The following CEP128 variants were observed in gnomAD, a reference collection of about 807,000 sequenced individuals.
The protein encoded by CEP128 is centrosomal protein 128.
CEP128 carries 132 observed loss-of-function variants against 156.7 expected under a neutral mutation model. That is an observed-to-expected ratio of 0.84 (90% CI 0.73 to 0.97). The LOEUF (loss-of-function observed/expected upper bound fraction) is 0.97. Among genes scored for constraint, CEP128 ranks in the 50% least tolerant of loss-of-function variants. CEP128 has a pLI of 0.00. For missense variants in CEP128, 1,252 were observed against 1,281.9 expected, an observed-to-expected ratio of 0.98 and a Z score of 0.36; for synonymous variants, 469 against 448.9, an observed-to-expected ratio of 1.04 and a Z score of -0.57.
rs1165217230 is a variant in CEP128, at chr14:80,844,343, TTAAAAAA to T, written c.763-3582_763-3576del. On this transcript the variant is annotated intron_variant, in intron 9 of 24. Coordinates refer to ENST00000555265, the MANE Select transcript of CEP128 (RefSeq NM_152446.5). ...GAAATTCTATACCAACAACTACAAC[TTAAAAAA>T]TAAAAAATAAAACAAACCGCACACA... Among the ~76,000 whole-genome samples the T allele has an allele frequency of 3.9e-5, 6 of 152,002 alleles. No homozygotes were observed. The South Asian group carries it at 8.3e-4, about 21-fold the overall frequency.
intron 9 of CEP128, among the ~76,000 whole-genome samples, chr14:80,855,161 T>C (rs1047253691): frequency 2.6e-5 from 4 of 152,160 alleles, no homozygotes; most frequent in Admixed American, 6.6e-5. Context: ...AAGTAGTACA[T>C]GTGTGGTTGT....
At chr14:80,844,574 A>C (rs1886506084) in intron 9 of CEP128, among the ~76,000 whole-genome samples, 1 of 152,152 alleles carries the variant, frequency 6.6e-6, no homozygotes, top group Non-Finnish European at 1.5e-5. Flanking sequence ...AAAATACAAC[A>C]ATTCCTCTTT....
downstream of CEP128, among the ~76,000 whole-genome samples, chr14:80,486,397 T>C (rs1378418893): frequency 6.6e-6 from 1 of 152,028 alleles, no homozygotes; most frequent in Non-Finnish European, 1.5e-5. Context: ...GTCTGATTGG[T>C]GTACCTGAAA....
chr14:80,529,218 A>T (rs1452106831), intron 22 of CEP128, among the ~76,000 whole-genome samples: 7 of 152,192 alleles, frequency 4.6e-5, no homozygotes, highest in Admixed American at 3.9e-4. Flanking sequence ...AGTATCATGC[A>T]CTGTGTGCAT....
chr14:80,718,664 G>GA (rs1294300220), intron 19 of CEP128, among the ~76,000 whole-genome samples: 1 of 152,094 alleles, frequency 6.6e-6, no homozygotes, highest in Non-Finnish European at 1.5e-5. Flanking sequence ...TTTATCACAG[G>GA]AAAACAAAAG....
chr14:80,588,208 C>T (rs1891901124), intron 19 of CEP128, among the ~76,000 whole-genome samples: 1 of 152,014 alleles, frequency 6.6e-6, no homozygotes, highest in African/African-American at 2.4e-5. Context: ...AAGAGTAAAA[C>T]AGACCTCAGA....
chr14:80,798,094 G>T (rs1883599031), intron 13 of CEP128, among the ~76,000 whole-genome samples: 1 of 152,094 alleles, frequency 6.6e-6, no homozygotes. Context: ...CTCAAAAACA[G>T]AATTATCCAT....
chr14:80,639,432 G>C (rs1431627945), intron 19 of CEP128, among the ~76,000 whole-genome samples: 1 of 152,142 alleles, frequency 6.6e-6, no homozygotes, highest in African/African-American at 2.4e-5. Context: ...TGTGGAAGAA[G>C]AGTAAAATAA....
intron 13 of CEP128, among the ~76,000 whole-genome samples, chr14:80,793,919 TAATCATTAACATTAAGCCATTAAAG>T (rs1170376124): frequency 1.3e-5 from 2 of 152,188 alleles, no homozygotes; most frequent in Non-Finnish European, 1.5e-5. Context: ...ACAAATAAAA[TAATCATTAACATTAAGCCATTAAAG>T]AATCATTAAC....
chr14:80,714,667 T>A (rs1292331317), intron 19 of CEP128, among the ~76,000 whole-genome samples: 1 of 151,546 alleles, frequency 6.6e-6, no homozygotes, highest in East Asian at 1.9e-4. Context: ...GGCAGCTATA[T>A]CATTTCAAAG....
chr14:80,728,164 T>C (rs1268442470), intron 19 of CEP128, among the ~76,000 whole-genome samples: 1 of 152,212 alleles, frequency 6.6e-6, no homozygotes, highest in Non-Finnish European at 1.5e-5. Flanking sequence ...TGGAATACTA[T>C]GCAGCCATAA....
At chr14:80,508,444 G>A (rs1360766895) in intron 23 of CEP128, among the ~76,000 whole-genome samples, 2 of 151,790 alleles carry the variant, frequency 1.3e-5, no homozygotes, top group African/African-American at 4.8e-5. Context: ...TGATGATTTC[G>A]TTTCCTATTT....
At chr14:80,746,924 G>A (rs998219852) in intron 18 of CEP128, among the ~76,000 whole-genome samples, 1 of 152,180 alleles carries the variant, frequency 6.6e-6, no homozygotes, top group African/African-American at 2.4e-5. Context: ...TACAAAGGAT[G>A]TAAATAGATA....
intron 19 of CEP128, among the ~76,000 whole-genome samples, chr14:80,737,583 T>TA (rs2139566822): frequency 6.6e-6 from 1 of 152,192 alleles, no homozygotes; most frequent in Admixed American, 6.5e-5. Flanking sequence ...GGTCACAATG[T>TA]AAAAATAAGA....
chr14:80,651,951 A>T (rs960084212), intron 19 of CEP128, among the ~76,000 whole-genome samples: 2 of 152,198 alleles, frequency 1.3e-5, no homozygotes, highest in Middle Eastern at 3.4e-3. Context: ...TCCAGAGCTG[A>T]GTTCAAGTCC....
At chr14:80,726,105 T>C (rs957767615) in intron 19 of CEP128, among the ~76,000 whole-genome samples, 1 of 152,204 alleles carries the variant, frequency 6.6e-6, no homozygotes, top group African/African-American at 2.4e-5. Flanking sequence ...TTACCTTCTC[T>C]TGTGGTTTAG....
At chr14:80,758,698 G>A (rs1595357651) in intron 17 of CEP128, among the ~76,000 whole-genome samples, 1 of 152,028 alleles carries the variant, frequency 6.6e-6, no homozygotes, top group East Asian at 1.9e-4. Flanking sequence ...TAAAGAAAGA[G>A]AAGCCATATG....
chr14:80,769,341 C>T (rs913344993), intron 16 of CEP128, among the ~76,000 whole-genome samples: 11 of 149,864 alleles, frequency 7.3e-5, no homozygotes, highest in Non-Finnish European at 1.3e-4. Context: ...AGGTTTGTTA[C>T]ATATGTATAC....
chr14:80,648,896 A>C (rs1595148688), intron 19 of CEP128, among the ~76,000 whole-genome samples: 1 of 152,250 alleles, frequency 6.6e-6, no homozygotes, highest in African/African-American at 2.4e-5. Context: ...TGTTAAAGTA[A>C]AATATAAGCA....
Sources: gnomAD v4.1 joint callset for allele counts (sites outside exome capture counted in the v4.1 genomes callset) on GRCh38, gnomAD v4.1.1 for gene constraint, MANE v1.5 for transcripts, NCBI Gene and HGNC (gene_info 2026-07-23, HGNC 2026-07-21) for gene names.